KLHDC4: variants seen among roughly 807,000 people sequenced by gnomAD.
The protein encoded by KLHDC4 is kelch domain containing 4.
In KLHDC4, 90 loss-of-function variants were observed where a neutral mutation model predicts 62.4. That is an observed-to-expected ratio of 1.44 (90% CI 1.22 to 1.72). KLHDC4 has a LOEUF of 1.72. KLHDC4 is among the 40% of genes most tolerant of loss of function. KLHDC4 has a pLI of 0.00. For synonymous variants in KLHDC4, 386 were observed against 284.4 expected (o/e 1.36, Z -3.59); for missense variants, 1,025 against 699.7 (o/e 1.47, Z -5.25).
intron 4 of KLHDC4, among the ~76,000 whole-genome samples, chr16:87,749,769 G>A (rs2043627163): frequency 6.6e-6 from 1 of 151,980 alleles, no homozygotes; most frequent in Non-Finnish European, 1.5e-5. Context: ...TTGCAGCAAT[G>A]GCGTCTACGC....
chr16:87,755,483 C>T (rs2044730626), intron 3 of KLHDC4, 191 bp from the exon 4 acceptor site: 1 of 464,150 alleles, frequency 2.2e-6, no homozygotes, highest in Non-Finnish European at 4.0e-6. Flanking sequence ...AACGACCGAA[C>T]GCCCACCAGG....
intron 1 of KLHDC4, among the ~76,000 whole-genome samples, chr16:87,764,510 G>A (rs570143603): frequency 1.6e-4 from 25 of 151,988 alleles, no homozygotes; most frequent in Admixed American, 1.4e-3. Flanking sequence ...TTAGCTGGGT[G>A]TGGTGGTGCA....
chr16:87,750,222 G>A (rs772080823), intron 4 of KLHDC4: 1 of 152,294 alleles, frequency 6.6e-6, no homozygotes, highest in Non-Finnish European at 1.5e-5. Flanking sequence ...GCTCCACGGG[G>A]TCTTTCCTCC....
intron 7 of KLHDC4, among the ~76,000 whole-genome samples, chr16:87,725,356 G>A (rs1205130446): frequency 6.6e-6 from 1 of 152,140 alleles, no homozygotes; most frequent in Non-Finnish European, 1.5e-5. Context: ...TAGTAGAGAC[G>A]GGGTTTCACA....
chr16:87,707,259 G>A (rs571677444), downstream of KLHDC4, among the ~76,000 whole-genome samples: 16 of 152,248 alleles, frequency 1.1e-4, no homozygotes, highest in Admixed American at 3.9e-4. Flanking sequence ...GAGCTGGATG[G>A]GGACACCTGG....
chr16:87,756,311 G>A (rs980147314), intron 3 of KLHDC4, 88 bp downstream of exon 3: 22 of 966,988 alleles, frequency 2.3e-5, no homozygotes, highest in Middle Eastern at 2.2e-4. Flanking sequence ...AGGGGCTAAC[G>A]CATATTTGAT....
chr16:87,701,736 C>T (rs921344650), exon 1 of KLHDC4: 1 of 456,672 alleles, frequency 2.2e-6, no homozygotes, highest in African/African-American at 2.0e-5. Flanking sequence ...CTGCTCAGGC[C>T]TATGCCGCCC....
intron 5 of KLHDC4, among the ~76,000 whole-genome samples, chr16:87,734,933 C>A (rs2041021831): frequency 6.8e-6 from 1 of 147,450 alleles, no homozygotes; most frequent in South Asian, 2.2e-4. Flanking sequence ...TGGCAAATTT[C>A]CCGATGCCCC....
chr16:87,705,958 C>CT (rs1327286324), downstream of KLHDC4, among the ~76,000 whole-genome samples: 5 of 152,230 alleles, frequency 3.3e-5, no homozygotes, highest in Non-Finnish European at 7.3e-5. Context: ...GCAACACAAG[C>CT]TGCAGCCCTG....
intron 3 of KLHDC4, 105 bp downstream of exon 3, chr16:87,756,294 G>A: frequency 1.2e-6 from 1 of 825,646 alleles, no homozygotes; most frequent in Non-Finnish European, 2.0e-6. Context: ...CGTGATACAA[G>A]GGGTGAAGGG....
At chr16:87,752,865 C>A (rs750022155) in intron 4 of KLHDC4, among the ~76,000 whole-genome samples, 1 of 152,204 alleles carries the variant, frequency 6.6e-6, no homozygotes, top group Non-Finnish European at 1.5e-5. Context: ...GATGGAGCAA[C>A]CTGTACCACG....
intron 6 of KLHDC4, among the ~76,000 whole-genome samples, chr16:87,730,039 C>T (rs1481615561): frequency 2.0e-5 from 3 of 152,210 alleles, no homozygotes; most frequent in African/African-American, 7.2e-5. Flanking sequence ...CTGCAACCTC[C>T]ATCTCCTGGG....
downstream of KLHDC4, among the ~76,000 whole-genome samples, chr16:87,707,320 T>A (rs2034858585): frequency 6.6e-6 from 1 of 152,188 alleles, no homozygotes; most frequent in Non-Finnish European, 1.5e-5. Flanking sequence ...CCTCCCTTCC[T>A]GTCGCTTTGC....
chr16:87,737,524 G>T (rs1042139894), intron 5 of KLHDC4, among the ~76,000 whole-genome samples: 14 of 151,440 alleles, frequency 9.2e-5, no homozygotes, highest in Non-Finnish European at 2.1e-4. Flanking sequence ...GGAGGCGGAG[G>T]TTGCCGTGAG....
chr16:87,747,056 T>C (rs930092168), intron 5 of KLHDC4, among the ~76,000 whole-genome samples: 3 of 152,190 alleles, frequency 2.0e-5, no homozygotes, highest in African/African-American at 7.2e-5. Context: ...AGTGACCAGG[T>C]ACCCACAGTG....
At chr16:87,749,571 AG>A (rs768556317) in intron 4 of KLHDC4, among the ~76,000 whole-genome samples, 12 of 150,392 alleles carry the variant, frequency 8.0e-5, no homozygotes, top group Admixed American at 2.0e-4. Flanking sequence ...AAAAAAAAAA[AG>A]AAAGAAAGTG....
intron 7 of KLHDC4, among the ~76,000 whole-genome samples, chr16:87,717,185 C>G (rs560350783): frequency 6.6e-6 from 1 of 152,154 alleles, no homozygotes; most frequent in African/African-American, 2.4e-5. Context: ...GAGCCAAGAT[C>G]ATGCCACTGC....
chr16:87,748,903 C>A, intron 4 of KLHDC4, 94 bp from the exon 5 acceptor site: 1 of 1,408,490 alleles, frequency 7.1e-7, no homozygotes, highest in Non-Finnish European at 9.5e-7. Flanking sequence ...TCAGTACTAT[C>A]TCGGATGCCC....
chr16:87,736,997 C>T lies in KLHDC4; in HGVS notation c.507-6353G>A, dbSNP rs188706777. On this transcript the variant is annotated intron_variant, in intron 5 of 11. Coordinates refer to ENST00000270583, the MANE Select transcript of KLHDC4 (RefSeq NM_017566.4). ...AACATTAGCCAGGCATGGTGGTAGG[C>T]ACCTGTAATCCCAGCTACTTGGGAG... Among the ~76,000 whole-genome samples, 56 of 149,308 alleles carry T rather than the reference C, an allele frequency of 3.8e-4. 1 individual carries two copies. Among genetic ancestry groups the T allele is most frequent in the Admixed American group, 3.7e-3 (55 of 14,670 alleles).
Sources: gnomAD v4.1 joint callset for allele counts (sites outside exome capture counted in the v4.1 genomes callset) on GRCh38, gnomAD v4.1.1 for gene constraint, MANE v1.5 for transcripts, NCBI Gene and HGNC (gene_info 2026-07-23, HGNC 2026-07-21) for gene names.